The following HERC3 variants were observed in gnomAD, a reference collection of about 807,000 sequenced individuals.
HERC3 encodes probable E3 ubiquitin-protein ligase HERC3.
Under a neutral mutation model 129.9 loss-of-function variants are expected in HERC3, and 58 were observed. That is an observed-to-expected ratio of 0.45 (90% CI 0.36 to 0.56). The LOEUF (loss-of-function observed/expected upper bound fraction) is 0.56, where lower values mean the gene tolerates loss of function less well. Ranked by LOEUF, HERC3 falls within the 20% of genes least tolerant of loss-of-function variation. HERC3 has a pLI of 0.00. For missense variants in HERC3, 835 were observed against 1,244.2 expected (o/e 0.67, Z 4.95); for synonymous variants, 430 against 451.0 (o/e 0.95, Z 0.59).
chr4:88,693,590 G>T (rs1030174803), intron 23 of HERC3: 1 of 938,848 alleles, frequency 1.1e-6, no homozygotes, highest in Non-Finnish European at 1.3e-6. Context: ...TGTACAAAAC[G>T]CCACTGAATT....
At chr4:88,568,375 C>T in the HERC3 span, among the ~76,000 whole-genome samples, 3 of 152,098 alleles carry the variant, frequency 2.0e-5, no homozygotes, top group African/African-American at 7.2e-5. Context: ...TGGCAAGCTC[C>T]CCTCTGGCTT....
intron 12 of HERC3, among the ~76,000 whole-genome samples, chr4:88,667,130 A>T (rs955986536): frequency 8.5e-5 from 13 of 152,192 alleles, no homozygotes; most frequent in African/African-American, 3.1e-4. Context: ...AGGAAAACAG[A>T]TTTAAAAATT....
rs1315724114 is a variant in HERC3 at position 88,643,901 on chromosome 4, C to G, written c.227-5939C>G. Reference sequence around the variant, plus strand: ...GAAAAAGTTGTTAAAGTAGACTTATCTATGAGTGTGTTAAGAGAATGAAAA... The same window carrying G: ...GAAAAAGTTGTTAAAGTAGACTTATGTATGAGTGTGTTAAGAGAATGAAAA... On this transcript the variant is annotated intron_variant, in intron 3 of 25. Transcript: ENST00000402738. Among the ~76,000 whole-genome samples, 5 of 152,064 alleles carry G rather than the reference C, an allele frequency of 3.3e-5. No homozygotes were observed. The East Asian group carries it at 9.6e-4, about 29-fold the overall frequency.
At chr4:88,556,810 A>AT in the HERC3 span, among the ~76,000 whole-genome samples, 101 of 145,476 alleles carry the variant, frequency 6.9e-4, no homozygotes, top group South Asian at 2.8e-3. Context: ...AGCCCTTTCT[A>AT]TTTTTTTTTT....
chr4:88,685,056 G>T (rs28819076), intron 21 of HERC3: 6,747 of 152,238 alleles, frequency 0.044, 173 homozygotes, highest in Middle Eastern at 0.12. Flanking sequence ...ACCATCTCAC[G>T]CCAGTCAGAA....
the HERC3 span, among the ~76,000 whole-genome samples, chr4:88,566,255 AT>A: frequency 6.6e-6 from 1 of 151,894 alleles, no homozygotes; most frequent in African/African-American, 2.4e-5. Flanking sequence ...TGTTTCTTTT[AT>A]GTTTTTTGAT....
the HERC3 span, among the ~76,000 whole-genome samples, chr4:88,549,804 A>C: frequency 6.6e-6 from 1 of 151,964 alleles, no homozygotes; most frequent in Non-Finnish European, 1.5e-5. Context: ...TCCTAGGTTC[A>C]AGCGATTATC....
intron 3 of HERC3, among the ~76,000 whole-genome samples, chr4:88,622,425 G>T (rs947305494): frequency 6.6e-6 from 1 of 152,152 alleles, no homozygotes; most frequent in Admixed American, 6.5e-5. Flanking sequence ...TGGCTGTTAT[G>T]AATAATGCTG....
At chr4:88,586,462 G>A in the HERC3 span, among the ~76,000 whole-genome samples, 1 of 150,948 alleles carries the variant, frequency 6.6e-6, no homozygotes, top group Admixed American at 6.6e-5. Flanking sequence ...GGGTTCAAGT[G>A]ATTCTCCTGC....
the HERC3 span, among the ~76,000 whole-genome samples, chr4:88,546,594 C>T: frequency 2.6e-5 from 4 of 151,576 alleles, no homozygotes; most frequent in African/African-American, 9.7e-5. Flanking sequence ...ACTGCAGCCT[C>T]GACCTCCTGG....
At chr4:88,700,753 G>A (rs1735249564) in intron 23 of HERC3, among the ~76,000 whole-genome samples, 1 of 152,140 alleles carries the variant, frequency 6.6e-6, no homozygotes, top group Non-Finnish European at 1.5e-5. Context: ...ATGTGATTGT[G>A]GGGGCTGTCA....
Position 88,707,218 on chromosome 4 carries a change from A to G in HERC3, c.*258A>G, listed in dbSNP as rs1024203953. 8.6e-6 allele frequency: 4 copies of G among 464,436 alleles called. No homozygotes were observed. Among genetic ancestry groups the G allele is most frequent in the African/African-American group, 5.9e-5 (3 of 50,890 alleles). The allele number at this position is 464,436 out of a possible 1,614,324, so 28.8% of individuals were successfully genotyped here. ...GTTTTTGTTTTAAACCAAACTACCC[A>G]GTATTCCTTGCACTTGTGAATGTGT... On this transcript the variant is annotated 3_prime_UTR_variant, in exon 26 of 26. Coordinates refer to ENST00000402738, the MANE Select transcript of HERC3 (RefSeq NM_014606.3).
At chr4:88,597,873 C>G (rs1396900490) in intron 2 of HERC3, 1 of 152,180 alleles carries the variant, frequency 6.6e-6, no homozygotes, top group Non-Finnish European at 1.5e-5. Context: ...TCTTTGCCTT[C>G]TATGACATTT....
chr4:88,524,352 A>G, the HERC3 span, among the ~76,000 whole-genome samples: 5 of 152,238 alleles, frequency 3.3e-5, no homozygotes, highest in Admixed American at 2.0e-4. Context: ...ATTTACTTCT[A>G]TAAATGAGCT....
At chr4:88,530,718 C>A in the HERC3 span, among the ~76,000 whole-genome samples, 1 of 152,134 alleles carries the variant, frequency 6.6e-6, no homozygotes, top group Admixed American at 6.5e-5. Context: ...TGTAGGGCTG[C>A]ATATTAATAT....
At position 88,670,133 on chromosome 4, in the gene HERC3, C is replaced by T. The variant is rs376765961; in HGVS notation, c.1798-6C>T. On this transcript the variant is annotated splice_region_variant and splice_polypyrimidine_tract_variant and intron_variant, in intron 15 of 25. Transcript: ENST00000402738. ...TTTCAGTTGTCTGTATTTTGTTCTTCATTAGGTAAATCTTAAAGTGAAGCA... is the reference window on the plus strand; with the variant it reads ...TTTCAGTTGTCTGTATTTTGTTCTTTATTAGGTAAATCTTAAAGTGAAGCA... The T allele has an allele frequency of 3.9e-5, 62 of 1,607,784 alleles. No homozygotes were observed. Among genetic ancestry groups the T allele is most frequent in the Non-Finnish European group, 5.2e-5 (61 of 1,174,680 alleles).
At chr4:88,557,563 A>G in the HERC3 span, among the ~76,000 whole-genome samples, 1 of 152,260 alleles carries the variant, frequency 6.6e-6, no homozygotes, top group South Asian at 2.1e-4. Context: ...ATATAAATAT[A>G]GAATGGAACT....
chr4:88,650,008 G>T lies in HERC3; in HGVS notation c.386+9G>T. On this transcript the variant is annotated intron_variant, in intron 4 of 25. Transcript: ENST00000402738. ...TCTGTGGCAGTGCCCAGGTAAGAAG[G>T]TTTTCAAATGTCAGTCGTTTTAAAT... The T allele has an allele frequency of 6.2e-7, 1 of 1,603,280 alleles. No individual in the cohort carries two copies. The highest frequency in any genetic ancestry group is 1.1e-5 in the South Asian group (1 of 89,916).
chr4:88,551,080 A>G, the HERC3 span, among the ~76,000 whole-genome samples: 1 of 149,480 alleles, frequency 6.7e-6, no homozygotes, highest in East Asian at 2.0e-4. Flanking sequence ...CTGGCTAGCC[A>G]TATGTAGAAA....
Sources: allele counts gnomAD v4.1 joint callset (sites outside exome capture counted in the v4.1 genomes callset), GRCh38; gene constraint gnomAD v4.1.1; transcripts MANE v1.5; gene names NCBI Gene and HGNC (gene_info 2026-07-23, HGNC 2026-07-21).